Variants in CEP83 observed in about 807,000 individuals in gnomAD.
CEP83 encodes the protein centrosomal protein of 83 kDa.
A neutral mutation model predicts 101.9 loss-of-function variants in CEP83; 70 were observed. That is an observed-to-expected ratio of 0.69 (90% CI 0.57 to 0.84). The LOEUF (loss-of-function observed/expected upper bound fraction) is 0.84. Ranked by LOEUF, CEP83 falls within the 40% of genes least tolerant of loss-of-function variation. The pLI is 0.00. For synonymous variants in CEP83, 264 were observed against 267.9 expected (o/e 0.99, Z 0.14); for missense variants, 715 against 787.2 (o/e 0.91, Z 1.10).
rs1397878229 is a variant in CEP83 at position 94,310,103 on chromosome 12, T to G, written c.1816A>C (p.Asn606His). 3 of 1,526,382 alleles carry G rather than the reference T, an allele frequency of 2.0e-6. No homozygotes were observed. The highest frequency in any genetic ancestry group is 2.3e-5 in the South Asian group (2 of 85,412). The allele number at this position is 1,526,382 out of a possible 1,614,324, so 94.6% of individuals were successfully genotyped here. A position where few individuals can be genotyped will look rare whatever the true frequency, so the allele number is the denominator to read the frequency against. The stretch of plus-strand genomic sequence containing the variant: ...CTTGTATAGTCTTCAAAAGGAACAT[T>G]TTGTCTTAAAAAGAAAAAGAAATGT... ...ETENQVLNRQ[N>H]VPFEDYTRLQ... Residue 606 changes from asparagine to histidine, a missense_variant, in exon 16 of 17, where the codon AAT becomes CAT. Transcript: ENST00000397809.
At chr12:94,342,101 T>C (rs1222126562) in intron 11 of CEP83, among the ~76,000 whole-genome samples, 2 of 152,340 alleles carry the variant, frequency 1.3e-5, no homozygotes. Flanking sequence ...TACAGATTCA[T>C]GCTTTTAGAA....
At chr12:94,282,159 A>C in the CEP83 span, 3 of 613,440 alleles carry the variant, frequency 4.9e-6, no homozygotes, top group Non-Finnish European at 5.8e-6. Flanking sequence ...AATTCAGGCT[A>C]CCAGTCTGGC....
chr12:94,304,445 CAT>C, downstream of CEP83: 1 of 161,414 alleles, frequency 6.2e-6, no homozygotes, highest in Middle Eastern at 2.9e-3. Context: ...GAAATTATGA[CAT>C]ATTTCTAACT....
At position 94,408,479 on chromosome 12, in the gene CEP83, A is replaced by G. The variant is rs945729456; in HGVS notation, c.324+3218T>C. On this transcript the variant is annotated intron_variant, in intron 4 of 16. Coordinates refer to ENST00000397809, the MANE Select transcript of CEP83 (RefSeq NM_016122.3). Reference sequence around the variant, plus strand: ...TTGGTAAAGTAATTTCCGTTTTATTAGAATATATCAAATGATCCCCATATT... The same window carrying G: ...TTGGTAAAGTAATTTCCGTTTTATTGGAATATATCAAATGATCCCCATATT... Among the ~76,000 whole-genome samples, 3 of 152,350 alleles carry G rather than the reference A, an allele frequency of 2.0e-5. No homozygotes were observed. The East Asian group carries it at 5.8e-4, about 29-fold the overall frequency.
Position 94,330,383 on chromosome 12 carries a change from A to G in CEP83, c.1707+1317T>C, listed in dbSNP as rs180945201. Among the ~76,000 whole-genome samples the G allele has an allele frequency of 3.3e-5, 5 of 152,340 alleles. No individual in the cohort carries two copies. The East Asian group carries it at 9.6e-4, about 29-fold the overall frequency. On this transcript the variant is annotated intron_variant, in intron 14 of 16. Transcript: ENST00000397809. ...TTAATCACCACCATAAGTCATGGTT[A>G]CTAATGGGACCTGTTATATTATTCT...
intron 6 of CEP83, among the ~76,000 whole-genome samples, chr12:94,384,861 A>C (rs144662834): frequency 5.9e-4 from 90 of 152,280 alleles, no homozygotes; most frequent in Non-Finnish European, 9.3e-4. Flanking sequence ...ATGTTTGTCA[A>C]ATAATTCTAA....
downstream of CEP83, chr12:94,307,151 T>C (rs1457242410): frequency 6.6e-6 from 1 of 152,244 alleles, no homozygotes; most frequent in African/African-American, 2.4e-5. Flanking sequence ...TTCTGGCACA[T>C]GAGTCCTGTG....
chr12:94,339,590 T>C (rs1392106761), intron 11 of CEP83, among the ~76,000 whole-genome samples: 2 of 152,220 alleles, frequency 1.3e-5, no homozygotes, highest in Non-Finnish European at 2.9e-5. Flanking sequence ...CTTGGCTTCA[T>C]TTAATGTGAG....
At chr12:94,278,738 C>T in the CEP83 span, among the ~76,000 whole-genome samples, 4 of 152,138 alleles carry the variant, frequency 2.6e-5, no homozygotes, top group Non-Finnish European at 4.4e-5. Context: ...TGGCTCACGC[C>T]TGTAATCCTA....
intron 6 of CEP83, among the ~76,000 whole-genome samples, chr12:94,397,401 G>A (rs2062967213): frequency 6.6e-6 from 1 of 152,134 alleles, no homozygotes; most frequent in Non-Finnish European, 1.5e-5. Context: ...GGGAAACTGA[G>A]GCAGGAGAAT....
At chr12:94,460,024 T>TAC (rs1566278232), upstream of CEP83, 2 of 152,582 alleles carry the variant, frequency 1.3e-5, no homozygotes, top group Admixed American at 1.3e-4. Context: ...CGACGCCGGT[T>TAC]GCTGCCGGAG....
the CEP83 span, among the ~76,000 whole-genome samples, chr12:94,280,680 A>C: frequency 1.3e-5 from 2 of 152,206 alleles, no homozygotes; most frequent in Non-Finnish European, 2.9e-5. Flanking sequence ...CCCAGCCAGG[A>C]CACCATGACC....
chr12:94,395,996 T>C (rs1483948634), intron 6 of CEP83, among the ~76,000 whole-genome samples: 3 of 152,122 alleles, frequency 2.0e-5, no homozygotes, highest in Non-Finnish European at 4.4e-5. Context: ...GTCACTTTGA[T>C]GGTTTTTCAC....
At chr12:94,320,567 G>T (rs961172990) in intron 14 of CEP83, among the ~76,000 whole-genome samples, 1 of 151,878 alleles carries the variant, frequency 6.6e-6, no homozygotes. Flanking sequence ...TTGTGAGATG[G>T]GTCTCCATTT....
chr12:94,396,462 G>T (rs2062904446), intron 6 of CEP83, among the ~76,000 whole-genome samples: 1 of 151,364 alleles, frequency 6.6e-6, no homozygotes, highest in Non-Finnish European at 1.5e-5. Context: ...CTAATTTTTT[G>T]TATTTTTAGT....
chr12:94,371,243 G>A (rs778248328), intron 8 of CEP83, among the ~76,000 whole-genome samples: 6 of 151,524 alleles, frequency 4.0e-5, no homozygotes, highest in African/African-American at 1.5e-4. Context: ...TAACTAATGC[G>A]AATCTGTTGG....
At chr12:94,324,672 G>A (rs2058894533) in intron 14 of CEP83, among the ~76,000 whole-genome samples, 1 of 152,170 alleles carries the variant, frequency 6.6e-6, no homozygotes, top group East Asian at 1.9e-4. Context: ...ATCTCTTGAT[G>A]ATGGTGATGT....
At chr12:94,432,389 T>C (rs115747066) in intron 2 of CEP83, among the ~76,000 whole-genome samples, 1 of 152,154 alleles carries the variant, frequency 6.6e-6, no homozygotes, top group African/African-American at 2.4e-5. Flanking sequence ...ATGTGGTATA[T>C]ATACATGGTG....
At chr12:94,277,458 T>C in the CEP83 span, among the ~76,000 whole-genome samples, 1 of 152,176 alleles carries the variant, frequency 6.6e-6, no homozygotes, top group South Asian at 2.1e-4. Context: ...GGTCCATAAG[T>C]CACGGGCTCA....
Sources: allele counts gnomAD v4.1 joint callset (sites outside exome capture counted in the v4.1 genomes callset), GRCh38; gene constraint gnomAD v4.1.1; transcripts MANE v1.5; gene names NCBI Gene and HGNC (gene_info 2026-07-23, HGNC 2026-07-21).